MBNL1: variants seen among roughly 807,000 people sequenced by gnomAD.
MBNL1 encodes muscleblind-like protein 1.
A neutral mutation model predicts 42.2 loss-of-function variants in MBNL1; 8 were observed. That is an observed-to-expected ratio of 0.19 (90% CI 0.11 to 0.34). MBNL1 has a LOEUF of 0.34. Ranked by LOEUF, MBNL1 falls within the 10% of genes least tolerant of loss-of-function variation. MBNL1 has a pLI of 1.00. For synonymous variants in MBNL1, 169 were observed against 173.9 expected, an observed-to-expected ratio of 0.97 and a Z score of 0.22; for missense variants, 309 against 495.3, an observed-to-expected ratio of 0.62 and a Z score of 3.57.
chr3:152,407,573 A>T (rs2098463612), intron 2 of MBNL1, among the ~76,000 whole-genome samples: 1 of 152,188 alleles, frequency 6.6e-6, no homozygotes, highest in South Asian at 2.1e-4. Context: ...TAAAACTATG[A>T]AATAAGTACA....
At chr3:152,374,940 T>A (rs1250693475) in intron 2 of MBNL1, among the ~76,000 whole-genome samples, 2 of 152,356 alleles carry the variant, frequency 1.3e-5, no homozygotes, top group East Asian at 3.9e-4. Flanking sequence ...ATATTTTATT[T>A]ATGTGGCAAA....
intron 6 of MBNL1, among the ~76,000 whole-genome samples, chr3:152,450,205 T>C (rs577645443): frequency 1.3e-5 from 2 of 152,130 alleles, no homozygotes; most frequent in African/African-American, 4.8e-5. Flanking sequence ...ATTATTGCAT[T>C]AGTAACATAA....
intron 2 of MBNL1, among the ~76,000 whole-genome samples, chr3:152,357,799 G>GA (rs2095634002): frequency 6.6e-6 from 1 of 152,236 alleles, no homozygotes; most frequent in African/African-American, 2.4e-5. Flanking sequence ...AAGCTTCAGT[G>GA]AGATGATAAG....
At chr3:152,276,441 G>GGT (rs2045255730) in intron 1 of MBNL1, among the ~76,000 whole-genome samples, 1 of 152,094 alleles carries the variant, frequency 6.6e-6, no homozygotes, top group Non-Finnish European at 1.5e-5. Flanking sequence ...GTTGAACCAA[G>GGT]GTAGCCCAGC....
chr3:152,412,502 A>G (rs1369708588), intron 2 of MBNL1, among the ~76,000 whole-genome samples: 1 of 152,202 alleles, frequency 6.6e-6, no homozygotes, highest in East Asian at 1.9e-4. Context: ...TGAAGGGCTC[A>G]ACACAGTCAA....
At chr3:152,258,773 T>C in intron 2 of MBNL1, among the ~76,000 whole-genome samples, 1 of 152,206 alleles carries the variant, frequency 6.6e-6, no homozygotes, top group East Asian at 1.9e-4. Context: ...GGAAGGAAAA[T>C]GCCCAAAGTT....
chr3:152,403,039 G>A (rs899801112), intron 2 of MBNL1, among the ~76,000 whole-genome samples: 4 of 152,104 alleles, frequency 2.6e-5, no homozygotes, highest in Non-Finnish European at 5.9e-5. Flanking sequence ...GGTAGAGAGT[G>A]TAGAAATCAC....
chr3:152,250,249 G>A (rs1386912056), intron 2 of MBNL1, among the ~76,000 whole-genome samples: 2 of 151,634 alleles, frequency 1.3e-5, no homozygotes, highest in African/African-American at 4.8e-5. Flanking sequence ...TCCTACCCAT[G>A]AGCATGGAAT....
At chr3:152,335,239 A>G (rs1170638263) in intron 2 of MBNL1, 5 of 1,289,778 alleles carry the variant, frequency 3.9e-6, no homozygotes, top group Non-Finnish European at 5.1e-6. Context: ...TGGTGAGTGA[A>G]TAAGGCAATT....
chr3:152,431,449 CA>C (rs778360617), intron 3 of MBNL1, among the ~76,000 whole-genome samples: 80 of 152,312 alleles, frequency 5.3e-4, no homozygotes, highest in Admixed American at 1.7e-3. Context: ...ATAAGAATTA[CA>C]TTTGTAATAT....
intron 2 of MBNL1, among the ~76,000 whole-genome samples, chr3:152,257,069 T>C (rs2035547445): frequency 6.6e-6 from 1 of 152,174 alleles, no homozygotes; most frequent in Admixed American, 6.5e-5. Flanking sequence ...ATGCATTCTA[T>C]CTTATCATGT....
At chr3:152,342,039 T>G (rs1037284414) in intron 2 of MBNL1, among the ~76,000 whole-genome samples, 1 of 152,120 alleles carries the variant, frequency 6.6e-6, no homozygotes, top group Non-Finnish European at 1.5e-5. Flanking sequence ...CACCTTGAGG[T>G]GTAGTTAGCA....
rs992150013 is a variant in MBNL1, at chr3:152,338,321, C to T, written c.174+37954C>T. On this transcript the variant is annotated intron_variant, in intron 2 of 9. Coordinates refer to ENST00000324210, the MANE Select transcript of MBNL1 (RefSeq NM_021038.5). ...GTGTTGTGCTGCGTGGTCATGTCTC[C>T]ACTTCCTTAGCCCTGTCCATTGACA... The T allele has an allele frequency of 6.1e-6, 6 of 985,280 alleles. No individual in the cohort carries two copies. In the African/African-American group the frequency reaches 8.7e-5, roughly 14 times the overall value. The allele number at this position is 985,280 out of a possible 1,614,324, so 61.0% of individuals were successfully genotyped here.
chr3:152,453,867 C>T (rs964264214), intron 6 of MBNL1, among the ~76,000 whole-genome samples: 5 of 152,186 alleles, frequency 3.3e-5, no homozygotes, highest in Admixed American at 3.3e-4. Flanking sequence ...AGGCAAGTCT[C>T]AGCCTAATAA....
chr3:152,328,626 G>C (rs914588846), intron 2 of MBNL1, among the ~76,000 whole-genome samples: 1 of 152,134 alleles, frequency 6.6e-6, no homozygotes, highest in Non-Finnish European at 1.5e-5. Flanking sequence ...TTGCTAACAT[G>C]CTTTATGACA....
rs1007403925 is a variant in MBNL1 at position 152,465,453 on chromosome 3, AT to A, written c.*3091del. Reference sequence around the variant, plus strand: ...ACGCAGTTCAAATTTCATGGTTTTAATTTTCAACTCAGAAGCACTCAAAAAT... The same window carrying A: ...ACGCAGTTCAAATTTCATGGTTTTAATTTCAACTCAGAAGCACTCAAAAAT... On this transcript the variant is annotated 3_prime_UTR_variant, in exon 10 of 10. Transcript: ENST00000324210. 5 of 152,598 alleles carry A rather than the reference AT, an allele frequency of 3.3e-5. No homozygotes were observed. Among genetic ancestry groups the A allele is most frequent in the African/African-American group, 1.2e-4 (5 of 41,448 alleles). 9.5% of individuals were successfully genotyped at this position (152,598 alleles called of 1,614,324 possible). A position where few individuals can be genotyped will look rare whatever the true frequency, so the allele number is the denominator to read the frequency against.
rs749100733 is a variant in MBNL1 at position 152,447,701 on chromosome 3, A to T, written c.889A>T (p.Thr297Ser). The T allele has an allele frequency of 6.2e-7, 1 of 1,612,986 alleles. No homozygotes were observed. The highest frequency in any genetic ancestry group is 1.1e-5 in the South Asian group (1 of 91,066). Residue 297 changes from threonine (T) to serine (S), a missense_variant, in exon 6 of 10, where the codon ACT becomes TCT. Thr to Ser is a moderately conservative substitution (Grantham distance 58). Coordinates refer to ENST00000324210, the MANE Select transcript of MBNL1 (RefSeq NM_021038.5). ...KTNGATAVFNTGIFQYQQALA... is the reference protein window; with the variant it reads ...KTNGATAVFNSGIFQYQQALA... ...CAACGGTGCCACCGCAGTCTTTAAC[A>T]CTGGTATTTTCCAATACCAACAGGC...
intron 2 of MBNL1, among the ~76,000 whole-genome samples, chr3:152,355,724 T>C (rs75917735): frequency 6.6e-6 from 1 of 152,232 alleles, no homozygotes; most frequent in Admixed American, 6.5e-5. Flanking sequence ...TAGATGATTA[T>C]ACTGAATATT....
chr3:152,436,879 A>G (rs1212909696), intron 4 of MBNL1, among the ~76,000 whole-genome samples: 1 of 152,136 alleles, frequency 6.6e-6, no homozygotes, highest in Non-Finnish European at 1.5e-5. Context: ...CTGCTGATCT[A>G]AATGCTTGAT....
Sources: gnomAD v4.1 joint callset for allele counts (sites outside exome capture counted in the v4.1 genomes callset) on GRCh38, gnomAD v4.1.1 for gene constraint, MANE v1.5 for transcripts, NCBI Gene and HGNC (gene_info 2026-07-23, HGNC 2026-07-21) for gene names.